Variants in HMGCLL1 observed in about 807,000 individuals in gnomAD.
The protein encoded by HMGCLL1 is 3-hydroxy-3-methylglutaryl-CoA lyase like 1.
Under a neutral mutation model 39.1 loss-of-function variants are expected in HMGCLL1, and 36 were observed. The ratio of observed to expected loss-of-function variants is 0.92; its 90% confidence interval spans 0.71 to 1.22. The LOEUF (loss-of-function observed/expected upper bound fraction) is 1.22, where lower values mean the gene tolerates loss of function less well. Among genes scored for constraint, HMGCLL1 ranks in the 50% most tolerant of loss-of-function variants. HMGCLL1 has a pLI of 0.00. For missense variants in HMGCLL1, 451 were observed against 416.5 expected, an observed-to-expected ratio of 1.08 and a Z score of -0.72; for synonymous variants, 149 against 144.0, an observed-to-expected ratio of 1.03 and a Z score of -0.25.
At chr6:55,663,682 A>G in the HMGCLL1 span, among the ~76,000 whole-genome samples, 1 of 151,824 alleles carries the variant, frequency 6.6e-6, no homozygotes, top group South Asian at 2.1e-4. Context: ...GGAGAGGTCT[A>G]TCAGATCCAT....
intron 1 of HMGCLL1, among the ~76,000 whole-genome samples, chr6:55,557,923 G>C (rs765518539): frequency 2.0e-5 from 3 of 152,176 alleles, no homozygotes; most frequent in Non-Finnish European, 4.4e-5. Context: ...AGCTGAACAA[G>C]TGAGAAACAG....
chr6:55,495,265 T>C (rs1183370538), intron 7 of HMGCLL1, among the ~76,000 whole-genome samples, 154 bp downstream of exon 7: 1 of 152,194 alleles, frequency 6.6e-6, no homozygotes, highest in Non-Finnish European at 1.5e-5. Flanking sequence ...AATTGACAAA[T>C]ATTTCCCAAG....
the HMGCLL1 span, among the ~76,000 whole-genome samples, chr6:55,665,803 C>T: frequency 1.3e-5 from 2 of 151,708 alleles, no homozygotes; most frequent in East Asian, 1.9e-4. Context: ...TCAATACAGC[C>T]TGTTCTAAAA....
chr6:55,445,975 G>T (rs1763812674), intron 7 of HMGCLL1, among the ~76,000 whole-genome samples: 2 of 151,894 alleles, frequency 1.3e-5, no homozygotes, highest in African/African-American at 2.4e-5. Context: ...TCTTACTAAA[G>T]GTGTAGAACA....
intron 3 of HMGCLL1, among the ~76,000 whole-genome samples, chr6:55,536,943 AT>A (rs1317830484): frequency 2.0e-5 from 3 of 152,214 alleles, no homozygotes; most frequent in East Asian, 1.9e-4. Flanking sequence ...GAGGAAAAAA[AT>A]ATAAGATGTA....
chr6:55,491,832 C>T (rs1313628778), intron 7 of HMGCLL1, among the ~76,000 whole-genome samples: 2 of 151,978 alleles, frequency 1.3e-5, no homozygotes, highest in Non-Finnish European at 2.9e-5. Flanking sequence ...CTGGGATCGA[C>T]ATGCTCAGAA....
In HMGCLL1 at chr6:55,477,440, A is replaced by T. The variant is rs1317618269; in HGVS notation, c.795+17979T>A. Reference sequence around the variant, plus strand: ...ATTATCTTAATATATATTATATATTATATATATAATATATTACATATAATA... The same window carrying T: ...ATTATCTTAATATATATTATATATTTTATATATAATATATTACATATAATA... On this transcript the variant is annotated intron_variant, in intron 7 of 8. Coordinates refer to ENST00000274901, the MANE Select transcript of HMGCLL1 (RefSeq NM_001042406.2). 1.3e-4 allele frequency among the ~76,000 whole-genome samples: 7 copies of T among 52,636 alleles called. 2 individuals are homozygous for T. The East Asian group carries it at 4.2e-3, about 32-fold the overall frequency. The allele number at this position is 52,636 out of a possible 152,430, so 34.5% of individuals were successfully genotyped here.
chr6:55,541,688 G>T (rs1175239376), intron 3 of HMGCLL1, 41 bp downstream of exon 3: 1 of 998,692 alleles, frequency 1.0e-6, no homozygotes, highest in South Asian at 1.4e-5. Context: ...TTTTGGTGAA[G>T]TTGAATTAGG....
rs187610191 is a variant in HMGCLL1, at chr6:55,511,356, G to C, written c.542+2692C>G. Among the ~76,000 whole-genome samples, 409 of 152,138 alleles carry C rather than the reference G, an allele frequency of 2.7e-3. 3 individuals are homozygous for C. Among genetic ancestry groups the C allele is most frequent in the African/African-American group, 8.1e-3 (336 of 41,540 alleles). On this transcript the variant is annotated intron_variant, in intron 5 of 8. Transcript: ENST00000274901. ...CAATGTGTCCCAGACGTTATGTACA[G>C]TTCTGAGCGTGTGTTAAAAATGTGT...
upstream of HMGCLL1, chr6:55,579,274 C>A: frequency 3.4e-6 from 2 of 586,084 alleles, no homozygotes; most frequent in South Asian, 4.0e-5. Context: ...GGGGCACCTG[C>A]GGGAATCGAC....
At chr6:55,660,015 C>T in the HMGCLL1 span, among the ~76,000 whole-genome samples, 2 of 151,762 alleles carry the variant, frequency 1.3e-5, no homozygotes, top group Admixed American at 6.6e-5. Flanking sequence ...TGGGATACTA[C>T]TAAAATAAAT....
the HMGCLL1 span, among the ~76,000 whole-genome samples, chr6:55,674,550 A>G: frequency 1.3e-5 from 2 of 152,082 alleles, no homozygotes; most frequent in Non-Finnish European, 2.9e-5. Context: ...CCTTTCCTCC[A>G]TGTTATTATC....
At chr6:55,567,906 T>C (rs1771292901) in intron 1 of HMGCLL1, among the ~76,000 whole-genome samples, 1 of 152,190 alleles carries the variant, frequency 6.6e-6, no homozygotes, top group African/African-American at 2.4e-5. Flanking sequence ...ACAGCTCCGG[T>C]CCCTTCATTA....
chr6:55,585,851 A>G, the HMGCLL1 span, among the ~76,000 whole-genome samples: 1 of 152,112 alleles, frequency 6.6e-6, no homozygotes, highest in Admixed American at 6.6e-5. Flanking sequence ...AGATTAAGAT[A>G]TGCCTTCTTG....
chr6:55,602,494 T>G, the HMGCLL1 span, among the ~76,000 whole-genome samples: 4 of 152,204 alleles, frequency 2.6e-5, no homozygotes, highest in African/African-American at 9.6e-5. Flanking sequence ...TATAAGTATG[T>G]AGGTGGGACT....
intron 1 of HMGCLL1, among the ~76,000 whole-genome samples, chr6:55,569,652 G>A (rs569352637): frequency 8.5e-5 from 13 of 152,176 alleles, no homozygotes; most frequent in African/African-American, 2.4e-4. Flanking sequence ...AGGGAGTGCC[G>A]GGTTCATATT....
chr6:55,537,100 T>A (rs949799013), intron 3 of HMGCLL1, among the ~76,000 whole-genome samples: 7 of 145,228 alleles, frequency 4.8e-5, no homozygotes, highest in African/African-American at 1.8e-4. Context: ...TTCATAAGAT[T>A]TTTTTTCCAA....
rs544331762 is a variant in HMGCLL1 at position 55,503,241 on chromosome 6, C to T, written c.543-3942G>A. Among the ~76,000 whole-genome samples, 47 of 151,906 alleles carry T rather than the reference C, an allele frequency of 3.1e-4. No individual in the cohort carries two copies. The South Asian group carries it at 9.1e-3, about 29-fold the overall frequency. On this transcript the variant is annotated intron_variant, in intron 5 of 8. Coordinates refer to ENST00000274901, the MANE Select transcript of HMGCLL1 (RefSeq NM_001042406.2). ...CCACAATACTCATGTGTCACAAATCCACAACCCATAAAAATAGCTGGCATG... is the reference window on the plus strand; with the variant it reads ...CCACAATACTCATGTGTCACAAATCTACAACCCATAAAAATAGCTGGCATG...
chr6:55,566,129 G>A (rs1771199067), intron 1 of HMGCLL1, among the ~76,000 whole-genome samples: 1 of 152,052 alleles, frequency 6.6e-6, no homozygotes, highest in Non-Finnish European at 1.5e-5. Flanking sequence ...ATTGAGTAGA[G>A]AATTTAAAAA....
Sources: allele counts gnomAD v4.1 joint callset (sites outside exome capture counted in the v4.1 genomes callset), GRCh38; gene constraint gnomAD v4.1.1; transcripts MANE v1.5; gene names NCBI Gene and HGNC (gene_info 2026-07-23, HGNC 2026-07-21).